The following C5orf34 variants were observed in gnomAD, a reference collection of about 807,000 sequenced individuals.
C5orf34 encodes the protein uncharacterized protein C5orf34.
In C5orf34, 73 loss-of-function variants were observed where a neutral mutation model predicts 78.4. That is an observed-to-expected ratio of 0.93 (90% confidence interval 0.77 to 1.13). The LOEUF is 1.13. C5orf34 is among the 50% of genes most tolerant of loss of function. The probability of loss-of-function intolerance (pLI) is 0.00; values close to 1 mark genes in which losing one functional copy is unlikely to be tolerated. For synonymous variants in C5orf34, 251 were observed against 246.6 expected (o/e 1.02, Z -0.17); for missense variants, 730 against 732.7 (o/e 1.00, Z 0.04).
intron 7 of C5orf34, 56 bp downstream of exon 7, chr5:43,494,454 T>C: frequency 1.8e-6 from 2 of 1,110,996 alleles, no homozygotes; most frequent in African/African-American, 1.5e-5. Flanking sequence ...CACAAGAAAA[T>C]GTGCCAAGAT....
intron 3 of C5orf34, among the ~76,000 whole-genome samples, chr5:43,507,570 C>G (rs1397336949): frequency 1.3e-5 from 2 of 152,200 alleles, no homozygotes; most frequent in African/African-American, 4.8e-5. Flanking sequence ...TAAGTTACAA[C>G]TTATAATTTT....
In C5orf34 at chr5:43,492,211, G is replaced by T. The variant is rs572112553; in HGVS notation, c.1580+4C>A. The T allele has an allele frequency of 4.9e-5, 78 of 1,586,488 alleles. 1 individual carries two copies. In the South Asian group the frequency reaches 9.0e-4, roughly 18 times the overall value. On this transcript the variant is annotated splice_donor_region_variant and intron_variant, in intron 10 of 12. Coordinates refer to ENST00000306862, the MANE Select transcript of C5orf34 (RefSeq NM_198566.4). ...AAATAATTTTTAAAATTGCTTTTCA[G>T]TACCTTTCATATGGTTCAGGGTGTT...
chr5:43,493,405 A>G (rs1745364445), intron 8 of C5orf34, 138 bp downstream of exon 8: 2 of 599,666 alleles, frequency 3.3e-6, no homozygotes, highest in Non-Finnish European at 5.9e-6. Flanking sequence ...CTAGGTAGGT[A>G]TTTTTCTGAA....
At chr5:43,501,196 C>T (rs1334734231) in intron 6 of C5orf34, among the ~76,000 whole-genome samples, 4 of 152,306 alleles carry the variant, frequency 2.6e-5, no homozygotes, top group Non-Finnish European at 4.4e-5. Context: ...CTCTGATATA[C>T]AGCAGTCAGC....
At chr5:43,507,872 AT>A (rs983378023) in intron 3 of C5orf34, among the ~76,000 whole-genome samples, 5 of 152,024 alleles carry the variant, frequency 3.3e-5, no homozygotes, top group Admixed American at 6.5e-5. Context: ...AGGTCAGGAG[AT>A]CGAGACCATG....
intron 4 of C5orf34, 78 bp downstream of exon 4, chr5:43,505,670 T>C: frequency 7.1e-7 from 1 of 1,411,092 alleles, no homozygotes; most frequent in Non-Finnish European, 9.5e-7. Flanking sequence ...GTGAATGGTA[T>C]CAGATAAAAA....
In C5orf34 at chr5:43,493,421, CA is replaced by C. The variant is rs1393368028; in HGVS notation, c.1314+121del. ...TAGGTAGGTATTTTTCTGAATAAAC[CA>C]ACATTAATGTTACAAGAATTTCTCA... On this transcript the variant is annotated intron_variant, in intron 8 of 12. Coordinates refer to ENST00000306862, the MANE Select transcript of C5orf34 (RefSeq NM_198566.4). The C allele has an allele frequency of 1.9e-5, 12 of 628,322 alleles. No individual in the cohort carries two copies. The African/African-American group carries it at 2.3e-4, about 12-fold the overall frequency. 38.9% of individuals were successfully genotyped at this position (628,322 alleles called of 1,614,324 possible). A position where few individuals can be genotyped will look rare whatever the true frequency, so the allele number is the denominator to read the frequency against.
At chr5:43,512,026 TAAAAAAAA>T (rs11299417) in intron 1 of C5orf34, among the ~76,000 whole-genome samples, 1 of 119,580 alleles carries the variant, frequency 8.4e-6, no homozygotes. Flanking sequence ...AATGATCAAC[TAAAAAAAA>T]AAAAAAAAAA....
intron 1 of C5orf34, 70 bp from the exon 2 acceptor site, chr5:43,509,445 G>A (rs1369773274): frequency 1.2e-6 from 1 of 835,538 alleles, no homozygotes; most frequent in Non-Finnish European, 1.8e-6. Context: ...CAAAATAAGT[G>A]CGTGCATTTT....
intron 1 of C5orf34, among the ~76,000 whole-genome samples, chr5:43,510,215 G>A (rs1235498660): frequency 1.3e-5 from 2 of 152,140 alleles, no homozygotes; most frequent in African/African-American, 4.8e-5. Flanking sequence ...AAAGGACCCT[G>A]AAGAAGAAAT....
intron 3 of C5orf34, 131 bp from the exon 4 acceptor site, chr5:43,506,525 A>C: frequency 1.2e-6 from 1 of 833,032 alleles, no homozygotes; most frequent in Non-Finnish European, 1.7e-6. Context: ...AGAGAATGAA[A>C]AAATGGAGGG....
chr5:43,493,576 TAAAG>T lies in C5orf34; in HGVS notation c.1277_1280del (p.Ser426Ter), dbSNP rs1169455087. ...AGCAGCATATACGATAGTTATGGCT[TAAAG>T]AAAGTCTCATCTTCACACAATGTTG... is the stretch of plus-strand genomic sequence containing the variant. On this transcript the variant is annotated frameshift_variant, in exon 8 of 13. Transcript: ENST00000306862. LOFTEE classifies it high-confidence loss of function. 14 of 1,581,500 alleles carry T rather than the reference TAAAG, an allele frequency of 8.9e-6. No individual in the cohort carries two copies. The highest frequency in any genetic ancestry group is 1.7e-4 in the Middle Eastern group (1 of 6,012).
intron 6 of C5orf34, chr5:43,495,136 G>A: frequency 1.2e-6 from 2 of 1,601,552 alleles, no homozygotes; most frequent in South Asian, 2.2e-5. Context: ...CAGCCTTCTT[G>A]TCCACTGCTT....
intron 11 of C5orf34, among the ~76,000 whole-genome samples, chr5:43,489,797 A>T (rs1370076126): frequency 6.6e-6 from 1 of 152,170 alleles, no homozygotes; most frequent in Admixed American, 6.5e-5. Flanking sequence ...ACACTATGTT[A>T]GGTCACCTCA....
At chr5:43,487,793 A>G in intron 12 of C5orf34, 116 bp downstream of exon 12, 2 of 748,306 alleles carry the variant, frequency 2.7e-6, no homozygotes, top group Non-Finnish European at 4.4e-6. Flanking sequence ...CTGACTCAAT[A>G]AAGGTTAGCA....
At chr5:43,512,356 C>T (rs1746304906) in intron 1 of C5orf34, among the ~76,000 whole-genome samples, 2 of 152,218 alleles carry the variant, frequency 1.3e-5, no homozygotes, top group Admixed American at 1.3e-4. Flanking sequence ...TCCCTATTTC[C>T]TACCTATAAA....
intron 6 of C5orf34, among the ~76,000 whole-genome samples, chr5:43,498,074 C>T (rs1281443011): frequency 6.6e-6 from 1 of 152,136 alleles, no homozygotes; most frequent in Non-Finnish European, 1.5e-5. Flanking sequence ...CTAATCCTGC[C>T]TCTTGGTCTT....
At position 43,493,577 on chromosome 5, in the gene C5orf34, A is replaced by C; in HGVS notation, c.1280T>G (p.Leu427Ter). The change falls in exon 8 of 13, where the codon TTA (leucine) becomes TGA (stop). Residue 427 changes from leucine to a stop codon, truncating the protein, a stop_gained. Coordinates refer to ENST00000306862, the MANE Select transcript of C5orf34 (RefSeq NM_198566.4). LOFTEE classifies it high-confidence loss of function. Reference sequence around the variant, plus strand: ...GCAGCATATACGATAGTTATGGCTTAAAGAAAGTCTCATCTTCACACAATG... The same window carrying C: ...GCAGCATATACGATAGTTATGGCTTCAAGAAAGTCTCATCTTCACACAATG... ...LQHCVKMRLS[L>*]SHNYRICCWK... The C allele has an allele frequency of 6.3e-7, 1 of 1,581,920 alleles. No homozygotes were observed. The highest frequency in any genetic ancestry group is 8.6e-7 in the Non-Finnish European group (1 of 1,161,756).
At chr5:43,514,579 T>C (rs1272880828) in intron 1 of C5orf34, among the ~76,000 whole-genome samples, 1 of 152,142 alleles carries the variant, frequency 6.6e-6, no homozygotes. Context: ...TGGCATACCA[T>C]AGGAAACCAT....
Sources: gnomAD v4.1 joint callset for allele counts (sites outside exome capture counted in the v4.1 genomes callset) on GRCh38, gnomAD v4.1.1 for gene constraint, MANE v1.5 for transcripts, NCBI Gene and HGNC (gene_info 2026-07-23, HGNC 2026-07-21) for gene names.